Variants in LTBP1 observed in about 807,000 individuals in gnomAD.
LTBP1 encodes latent transforming growth factor beta binding protein 1.
LTBP1 carries 129 observed loss-of-function variants against 207.6 expected under a neutral mutation model. The observed-to-expected ratio is 0.62, with a 90% CI of 0.54 to 0.72. The LOEUF is 0.72. Ranked by LOEUF, LTBP1 falls within the 30% of genes least tolerant of loss-of-function variation. The pLI, the probability that LTBP1 is intolerant of heterozygous loss-of-function variation, is 0.00. For synonymous variants in LTBP1, 963 were observed against 833.7 expected (o/e 1.16, Z -2.67); for missense variants, 2,281 against 2,217.2 (o/e 1.03, Z -0.58).
At chr2:33,203,363 G>T (rs2089532014) in intron 7 of LTBP1, among the ~76,000 whole-genome samples, 1 of 152,138 alleles carries the variant, frequency 6.6e-6, no homozygotes, top group Non-Finnish European at 1.5e-5. Context: ...CCTGCCAGTG[G>T]AGAGGAGAAC....
At chr2:33,158,164 A>AG (rs761835293) in intron 5 of LTBP1, among the ~76,000 whole-genome samples, 33 of 102,882 alleles carry the variant, frequency 3.2e-4, no homozygotes, top group East Asian at 1.8e-3. Flanking sequence ...AAAAAAAAAA[A>AG]AGAGAGAGAG....
chr2:33,329,562 T>C (rs1301807588), intron 24 of LTBP1, among the ~76,000 whole-genome samples: 2 of 152,140 alleles, frequency 1.3e-5, no homozygotes, highest in Non-Finnish European at 2.9e-5. Flanking sequence ...TGAAGTTTTT[T>C]TGCATATGGT....
chr2:33,176,084 A>G (rs1004304780), intron 5 of LTBP1, among the ~76,000 whole-genome samples: 1 of 151,772 alleles, frequency 6.6e-6, no homozygotes, highest in African/African-American at 2.4e-5. Flanking sequence ...GCAGCACACC[A>G]GCATGGCACA....
At chr2:33,018,091 T>C (rs1289998448) in intron 2 of LTBP1, among the ~76,000 whole-genome samples, 1 of 152,194 alleles carries the variant, frequency 6.6e-6, no homozygotes, top group Non-Finnish European at 1.5e-5. Flanking sequence ...TATACATAGC[T>C]GTAATATTAT....
chr2:33,299,240 C>T (rs937848065), intron 20 of LTBP1, among the ~76,000 whole-genome samples: 1 of 78,870 alleles, frequency 1.3e-5, no homozygotes, highest in Non-Finnish European at 2.7e-5. Flanking sequence ...GACTCTGTCT[C>T]AAAAAAAAAA....
chr2:33,397,667 C>T (rs1351036832), intron 33 of LTBP1, among the ~76,000 whole-genome samples: 2 of 139,496 alleles, frequency 1.4e-5, no homozygotes, highest in African/African-American at 2.7e-5. Flanking sequence ...GCCACCACAC[C>T]CGGCTAATTT....
chr2:32,989,660 C>A (rs558006868), intron 2 of LTBP1, among the ~76,000 whole-genome samples: 1 of 152,236 alleles, frequency 6.6e-6, no homozygotes, highest in African/African-American at 2.4e-5. Flanking sequence ...AGGGACTTGT[C>A]AGTTGTATAG....
At chr2:33,020,886 T>C in intron 2 of LTBP1, 23 bp from the exon 3 acceptor site, 1 of 1,550,724 alleles carries the variant, frequency 6.4e-7, no homozygotes, top group South Asian at 1.2e-5. Flanking sequence ...TTCAAAGCTG[T>C]GCCTTCTGTT....
chr2:33,220,882 G>T (rs1391911030), intron 8 of LTBP1, among the ~76,000 whole-genome samples: 2 of 152,148 alleles, frequency 1.3e-5, no homozygotes, highest in African/African-American at 2.4e-5. Context: ...GAAGAGAGGG[G>T]AAATACAGCA....
Position 33,110,692 on chromosome 2 carries a change from C to G in LTBP1, c.974C>G (p.Ser325Cys). ...CAGAAGGGGATTTCAGGAGAGCAGT[C>G]CACTGAAGGTTCTTTCCCTTTAAGA... The part of the protein sequence containing the change: ...PAQKGISGEQ[S>C]TEGSFPLRYV... The change falls in exon 4 of 34, where the codon TCC becomes TGC. Residue 325 changes from serine (S) to cysteine (C), a missense_variant. Ser to Cys is a moderately radical substitution (Grantham distance 112). Around this residue, in one of 3 missense-constraint regions of LTBP1, gnomAD observed 555 missense variants for 491.0 expected, o/e 1.13. Coordinates refer to ENST00000404816, the MANE Select transcript of LTBP1 (RefSeq NM_206943.4). 6.2e-7 allele frequency: 1 copy of G among 1,614,204 alleles called. No homozygotes were observed.
chr2:32,983,554 C>T (rs1223042666), intron 2 of LTBP1, among the ~76,000 whole-genome samples: 6 of 152,150 alleles, frequency 3.9e-5, no homozygotes, highest in Non-Finnish European at 2.9e-5. Flanking sequence ...CCACCCAAGT[C>T]GTATCTTGAA....
intron 30 of LTBP1, among the ~76,000 whole-genome samples, chr2:33,364,708 G>A (rs150210821): frequency 1.4e-3 from 207 of 152,328 alleles, no homozygotes; most frequent in African/African-American, 4.6e-3. Context: ...GGAGGATGTG[G>A]ATAAGGCTCA....
chr2:33,321,530 G>A (rs2094354619), intron 24 of LTBP1, among the ~76,000 whole-genome samples: 3 of 152,204 alleles, frequency 2.0e-5, no homozygotes. Context: ...CACACTTCTA[G>A]GTACATTTTC....
intron 5 of LTBP1, among the ~76,000 whole-genome samples, chr2:33,177,801 G>A (rs2086210905): frequency 6.6e-6 from 1 of 152,206 alleles, no homozygotes; most frequent in Admixed American, 6.5e-5. Context: ...AATACATGGT[G>A]CATACCTGTA....
chr2:33,108,538 G>A (rs1175278485), intron 3 of LTBP1, among the ~76,000 whole-genome samples: 3 of 151,898 alleles, frequency 2.0e-5, no homozygotes, highest in African/African-American at 7.3e-5. Context: ...CTTGTCCTCC[G>A]CTTCCTCAAT....
At chr2:33,310,915 A>T (rs374636904) in intron 23 of LTBP1, among the ~76,000 whole-genome samples, 16 of 152,120 alleles carry the variant, frequency 1.1e-4, no homozygotes, top group Middle Eastern at 3.4e-3. Flanking sequence ...AATAAATGTT[A>T]TTTTTTTCTT....
chr2:33,051,857 C>T (rs1032453523), intron 3 of LTBP1, among the ~76,000 whole-genome samples: 11 of 152,156 alleles, frequency 7.2e-5, no homozygotes, highest in African/African-American at 2.7e-4. Flanking sequence ...TCAACTCTCC[C>T]CAGGAAATGT....
At chr2:33,222,865 G>C (rs1194732550) in intron 9 of LTBP1, among the ~76,000 whole-genome samples, 31 of 152,166 alleles carry the variant, frequency 2.0e-4, no homozygotes, top group Admixed American at 2.0e-3. Context: ...ATCATATTTT[G>C]TTTTAGTTAC....
chr2:32,986,517 C>G (rs532516768), intron 2 of LTBP1, among the ~76,000 whole-genome samples: 1 of 152,124 alleles, frequency 6.6e-6, no homozygotes, highest in South Asian at 2.1e-4. Context: ...TGACCTGAAC[C>G]GGCTACATCA....
Sources: gnomAD v4.1 joint callset for allele counts (sites outside exome capture counted in the v4.1 genomes callset) on GRCh38, gnomAD v4.1.1 for gene constraint, gnomAD v4.1.1 regional missense constraint, MANE v1.5 for transcripts, NCBI Gene and HGNC (gene_info 2026-07-23, HGNC 2026-07-21) for gene names.